EIF2B3: variants seen among roughly 807,000 people sequenced by gnomAD.
EIF2B3 encodes translation initiation factor eIF2B subunit gamma.
Under a neutral mutation model 54.1 loss-of-function variants are expected in EIF2B3, and 20 were observed. That is an observed-to-expected ratio of 0.37 (90% CI 0.26 to 0.54). The LOEUF (loss-of-function observed/expected upper bound fraction) is 0.54, where lower values mean the gene tolerates loss of function less well. EIF2B3 is among the 20% of genes least tolerant of loss of function. The pLI, the probability that EIF2B3 is intolerant of heterozygous loss-of-function variation, is 0.86. For missense variants in EIF2B3, 448 were observed against 547.8 expected, an observed-to-expected ratio of 0.82 and a Z score of 1.82; for synonymous variants, 153 against 188.1, an observed-to-expected ratio of 0.81 and a Z score of 1.52.
intron 4 of EIF2B3, among the ~76,000 whole-genome samples, chr1:44,939,101 CAAA>C (rs35410499): frequency 0.22 from 12,410 of 55,188 alleles, 310 homozygotes; most frequent in South Asian, 0.29. Context: ...GACCCTGTCT[CAAA>C]AAAAAAAAAA....
At chr1:44,969,891 C>G (rs1357902839) in intron 3 of EIF2B3, 1 of 152,076 alleles carries the variant, frequency 6.6e-6, no homozygotes, top group Non-Finnish European at 1.5e-5. Context: ...GATTTATCAA[C>G]AAATATGAAA....
At chr1:44,892,652 TA>T (rs1482668680) in intron 6 of EIF2B3, among the ~76,000 whole-genome samples, 1 of 152,146 alleles carries the variant, frequency 6.6e-6, no homozygotes, top group African/African-American at 2.4e-5. Flanking sequence ...TCTCTATTAC[TA>T]ATATTACTAA....
intron 4 of EIF2B3, among the ~76,000 whole-genome samples, chr1:44,929,545 T>G (rs1296491117): frequency 1.3e-5 from 2 of 152,228 alleles, no homozygotes; most frequent in Non-Finnish European, 2.9e-5. Flanking sequence ...AATCTGAAGC[T>G]AAATTTTGCA....
chr1:44,864,021 T>C (rs774499954), intron 10 of EIF2B3, among the ~76,000 whole-genome samples: 9 of 152,174 alleles, frequency 5.9e-5, no homozygotes, highest in Non-Finnish European at 1.3e-4. Context: ...CTTCACTATA[T>C]AAGATTTTGT....
intron 3 of EIF2B3, among the ~76,000 whole-genome samples, chr1:44,964,277 A>G (rs1644314565): frequency 6.6e-6 from 1 of 152,160 alleles, no homozygotes; most frequent in Non-Finnish European, 1.5e-5. Flanking sequence ...TGGCCCACCA[A>G]AGCAGTCTTA....
rs568353697 is a variant in EIF2B3 at position 44,922,573 on chromosome 1, C to T, written c.566+4055G>A. ...CTGCACTCTAGCCTGGGATATAGAG[C>T]GAGACTCTGTCTCAAGACAAAAAAA... On this transcript the variant is annotated intron_variant, in intron 5 of 11. Transcript: ENST00000360403. Among the ~76,000 whole-genome samples, 10 of 123,076 alleles carry T rather than the reference C, an allele frequency of 8.1e-5. No individual in the cohort carries two copies. The South Asian group carries it at 1.5e-3, about 18-fold the overall frequency. The allele number at this position is 123,076 out of a possible 152,430, so 80.7% of individuals were successfully genotyped here. A position where few individuals can be genotyped will look rare whatever the true frequency, so the allele number is the denominator to read the frequency against.
At chr1:44,972,938 G>A (rs920879992) in intron 3 of EIF2B3, among the ~76,000 whole-genome samples, 2 of 152,064 alleles carry the variant, frequency 1.3e-5, no homozygotes, top group African/African-American at 4.8e-5. Context: ...CTACTCAGGA[G>A]GCTGAGATAG....
intron 4 of EIF2B3, chr1:44,940,720 G>A (rs72676557): frequency 0.14 from 21,210 of 153,892 alleles, 1,674 homozygotes; most frequent in Non-Finnish European, 0.17. Flanking sequence ...GGAGTGAACC[G>A]AGATGGTGCC....
intron 5 of EIF2B3, among the ~76,000 whole-genome samples, chr1:44,922,591 CAAAAAA>C (rs58626731): frequency 3.4e-5 from 3 of 87,534 alleles, no homozygotes; most frequent in Admixed American, 2.7e-4. Context: ...TGTCTCAAGA[CAAAAAA>C]AAAAAAAAAA....
At position 44,971,179 on chromosome 1, in the gene EIF2B3, G is replaced by A. The variant is rs186579925; in HGVS notation, c.294+7136C>T. 6.6e-5 allele frequency among the ~76,000 whole-genome samples: 10 copies of A among 152,042 alleles called. No individual in the cohort carries two copies. The East Asian group carries it at 1.7e-3, about 26-fold the overall frequency. On this transcript the variant is annotated intron_variant, in intron 3 of 11. Coordinates refer to ENST00000360403, the MANE Select transcript of EIF2B3 (RefSeq NM_020365.5). ...CGGGCGGATCCCGAAGTAGGAGATC[G>A]AGACCATCCTGGCCAACATGGTGAA...
At chr1:44,876,285 C>T (rs1243981789) in intron 8 of EIF2B3, among the ~76,000 whole-genome samples, 34 of 150,700 alleles carry the variant, frequency 2.3e-4, no homozygotes, top group African/African-American at 8.3e-4. Flanking sequence ...GCTGCCATCC[C>T]ATCTAGGAAG....
intron 11 of EIF2B3, among the ~76,000 whole-genome samples, chr1:44,856,905 A>G (rs1477878190): frequency 1.3e-5 from 2 of 152,162 alleles, no homozygotes; most frequent in African/African-American, 4.8e-5. Flanking sequence ...CTCAGGCTCA[A>G]GCAATCCTCC....
At chr1:44,943,630 C>T (rs1450045288) in intron 3 of EIF2B3, among the ~76,000 whole-genome samples, 1 of 150,612 alleles carries the variant, frequency 6.6e-6, no homozygotes, top group Non-Finnish European at 1.5e-5. Context: ...TCCTATGTTT[C>T]CCAGGCTGGA....
intron 5 of EIF2B3, among the ~76,000 whole-genome samples, chr1:44,912,712 T>G (rs1006028414): frequency 6.6e-6 from 1 of 152,204 alleles, no homozygotes; most frequent in African/African-American, 2.4e-5. Context: ...ATACCTCCTT[T>G]GAATTCTTAG....
intron 3 of EIF2B3, among the ~76,000 whole-genome samples, chr1:44,963,370 G>A: frequency 6.6e-6 from 1 of 151,478 alleles, no homozygotes; most frequent in South Asian, 2.1e-4. Flanking sequence ...CCCAGGCTCA[G>A]GTGATCCTCC....
chr1:44,857,910 G>T, intron 10 of EIF2B3, 103 bp from the exon 11 acceptor site: 1 of 1,094,100 alleles, frequency 9.1e-7, no homozygotes, highest in Non-Finnish European at 1.4e-6. Flanking sequence ...GGAACAGCTG[G>T]GCAGTCCAGT....
chr1:44,955,471 T>G (rs1644212827), intron 3 of EIF2B3, among the ~76,000 whole-genome samples: 2 of 152,052 alleles, frequency 1.3e-5, no homozygotes, highest in East Asian at 3.8e-4. Flanking sequence ...ACTCCACGAC[T>G]AAAACACCAA....
chr1:44,926,630 C>G lies in EIF2B3; in HGVS notation c.564G>C (p.Gln188His), dbSNP rs545295324. ...EELVIKGSILQKHPRIRFHTG... is the reference protein window; with the variant it reads ...EELVIKGSILHKHPRIRFHTG... ...GAAGAAAAAACCCTAGGGCTTACTT[C>G]TGTAGGATGGATCCCTTAATGACCA... is the stretch of plus-strand genomic sequence containing the variant. The change falls in exon 5 of 12, where the codon CAG (glutamine) becomes CAC (histidine). Residue 188 changes from glutamine to histidine, a missense_variant and splice_region_variant. Physicochemically the swap from Gln to His is conservative, Grantham distance 24 (BLOSUM62 0). Around this residue, in one of 3 missense-constraint regions of EIF2B3, gnomAD observed 350 missense variants for 414.2 expected, o/e 0.85. Transcript: ENST00000360403. 1 of 1,613,402 alleles carries G rather than the reference C, an allele frequency of 6.2e-7. No homozygotes were observed. The highest frequency in any genetic ancestry group is 8.5e-7 in the Non-Finnish European group (1 of 1,179,518).
chr1:44,879,937 G>C lies in EIF2B3; in HGVS notation c.856C>G (p.Arg286Gly). Residue 286 changes from arginine (R) to glycine (G), a missense_variant, in exon 8 of 12, where the codon CGA becomes GGA. Arg to Gly is a moderately radical substitution (Grantham distance 125). This residue lies in a region of EIF2B3 where 350 missense variants were observed against 414.2 expected (regional missense o/e 0.85). Coordinates refer to ENST00000360403, the MANE Select transcript of EIF2B3 (RefSeq NM_020365.5). ...GACAAGTCTTCCCACCTGTCTCCTCGACAGGCATTCCAGCAGGCATCATAG... is the reference window on the plus strand; with the variant it reads ...GACAAGTCTTCCCACCTGTCTCCTCCACAGGCATTCCAGCAGGCATCATAG... ...APYDACWNAC[R>G]GDRWEDLSRS... 6.2e-7 allele frequency: 1 copy of C among 1,614,104 alleles called. No homozygotes were observed. Among genetic ancestry groups the C allele is most frequent in the Non-Finnish European group, 8.5e-7 (1 of 1,180,030 alleles).
Sources: gnomAD v4.1 joint callset for allele counts (sites outside exome capture counted in the v4.1 genomes callset) on GRCh38, gnomAD v4.1.1 for gene constraint, gnomAD v4.1.1 regional missense constraint, MANE v1.5 for transcripts, NCBI Gene and HGNC (gene_info 2026-07-23, HGNC 2026-07-21) for gene names.